FBXO21: variants seen among roughly 807,000 people sequenced by gnomAD.
FBXO21 encodes the protein F-box protein 21.
A neutral mutation model predicts 76.6 loss-of-function variants in FBXO21; 32 were observed. The observed-to-expected ratio is 0.42, with a 90% CI of 0.32 to 0.56. FBXO21 has a LOEUF of 0.56. FBXO21 is among the 20% of genes least tolerant of loss of function. The probability of loss-of-function intolerance (pLI) is 0.16; values close to 1 mark genes in which losing one functional copy is unlikely to be tolerated. For missense variants in FBXO21, 586 were observed against 797.3 expected, an observed-to-expected ratio of 0.73 and a Z score of 3.19; for synonymous variants, 328 against 311.5, an observed-to-expected ratio of 1.05 and a Z score of -0.56.
At chr12:117,171,486 A>C (rs1956118485) in intron 7 of FBXO21, among the ~76,000 whole-genome samples, 1 of 152,110 alleles carries the variant, frequency 6.6e-6, no homozygotes, top group African/African-American at 2.4e-5. Context: ...TTTATTTCTT[A>C]AACTAAGAGG....
At chr12:117,178,913 T>C (rs971278801) in intron 3 of FBXO21, among the ~76,000 whole-genome samples, 3 of 152,200 alleles carry the variant, frequency 2.0e-5, no homozygotes, top group African/African-American at 7.2e-5. Context: ...GGGATTTTTT[T>C]TGTGTTGTTC....
intron 7 of FBXO21, among the ~76,000 whole-genome samples, chr12:117,169,813 T>C (rs1293211795): frequency 6.6e-6 from 1 of 152,150 alleles, no homozygotes; most frequent in African/African-American, 2.4e-5. Context: ...GGCTTTGAAA[T>C]TGTAAAAGCA....
intron 3 of FBXO21, among the ~76,000 whole-genome samples, chr12:117,179,368 G>A (rs1956206545): frequency 6.6e-6 from 1 of 152,094 alleles, no homozygotes; most frequent in African/African-American, 2.4e-5. Context: ...TTTCTCTTTA[G>A]TATTACCATG....
intron 11 of FBXO21, among the ~76,000 whole-genome samples, chr12:117,154,584 G>T (rs902877204): frequency 6.6e-6 from 1 of 152,104 alleles, no homozygotes; most frequent in African/African-American, 2.4e-5. Context: ...ATGGGGTCTT[G>T]CTGTGTTGTA....
chr12:117,155,770 C>T (rs1456696927), intron 11 of FBXO21, 21 bp downstream of exon 11: 25 of 1,604,474 alleles, frequency 1.6e-5, no homozygotes, highest in Non-Finnish European at 2.1e-5. Flanking sequence ...GCCACTGGCA[C>T]AAGCGGAACC....
chr12:117,190,133 C>G (rs1262383808), intron 1 of FBXO21, 85 bp downstream of exon 1: 1 of 699,054 alleles, frequency 1.4e-6, no homozygotes, highest in African/African-American at 2.0e-5. Flanking sequence ...GCGGGGCGGC[C>G]GCGGGGAGCT....
rs12309102 is a variant in FBXO21, at chr12:117,186,429, C to T, written c.470+48G>A. Reference sequence around the variant, plus strand: ...GCCACACAGAAATTACAGCAATTTACTCTGGACTTATTAAAGCAAACAAAT... The same window carrying T: ...GCCACACAGAAATTACAGCAATTTATTCTGGACTTATTAAAGCAAACAAAT... On this transcript the variant is annotated intron_variant, in intron 3 of 11. Coordinates refer to ENST00000622495, the MANE Select transcript of FBXO21 (RefSeq NM_015002.3). The T allele has an allele frequency of 2.9e-3, 3,581 of 1,244,300 alleles. 74 individuals are homozygous for T. In the African/African-American group the frequency reaches 0.047, roughly 16 times the overall value. The allele number at this position is 1,244,300 out of a possible 1,614,324, so 77.1% of individuals were successfully genotyped here.
At chr12:117,181,643 A>G (rs1956234999) in intron 3 of FBXO21, among the ~76,000 whole-genome samples, 2 of 150,534 alleles carry the variant, frequency 1.3e-5, no homozygotes, top group African/African-American at 4.9e-5. Context: ...CTATCTATCT[A>G]TCTAATCTAG....
At chr12:117,157,184 GAA>G (rs890181914) in intron 10 of FBXO21, among the ~76,000 whole-genome samples, 1 of 112,862 alleles carries the variant, frequency 8.9e-6, no homozygotes. Context: ...TGTCTCCAAA[GAA>G]AAAAAAAAAA....
At chr12:117,163,934 A>G (rs1296343125) in intron 9 of FBXO21, among the ~76,000 whole-genome samples, 1 of 151,552 alleles carries the variant, frequency 6.6e-6, no homozygotes, top group Non-Finnish European at 1.5e-5. Context: ...ACAGAGCAAG[A>G]CTCCATTTCA....
intron 10 of FBXO21, among the ~76,000 whole-genome samples, chr12:117,156,950 G>A (rs1247353538): frequency 2.0e-5 from 3 of 152,136 alleles, no homozygotes; most frequent in African/African-American, 4.8e-5. Context: ...TTGGGAGCCT[G>A]AGACGGCAGA....
Position 117,146,230 on chromosome 12 carries a change from C to T in FBXO21, c.1723G>A (p.Val575Met), listed in dbSNP as rs758989840. 2.3e-5 allele frequency: 37 copies of T among 1,612,936 alleles called. No individual in the cohort carries two copies. Among genetic ancestry groups the T allele is most frequent in the Admixed American group, 3.4e-5 (2 of 59,684 alleles). ...VEPQEISHPD[V>M]GRYFSEFTGT... ...GTAAACTCTGAGAAATAGCGTCCCA[C>T]GTCAGGGTGTGAGATTTCTTGAGGC... is the stretch of plus-strand genomic sequence containing the variant. Residue 575 changes from valine (V) to methionine (M), a missense_variant, in exon 12 of 12, where the codon GTG becomes ATG. Physicochemically the swap from Val to Met is conservative, Grantham distance 21. This residue lies in a region of FBXO21 where 164 missense variants were observed against 236.7 expected (regional missense o/e 0.69). Transcript: ENST00000622495.
At chr12:117,149,806 T>C (rs774201235) in intron 11 of FBXO21, among the ~76,000 whole-genome samples, 10 of 151,986 alleles carry the variant, frequency 6.6e-5, no homozygotes, top group East Asian at 1.9e-4. Context: ...TCGGCTTCTG[T>C]TGGGAGGAGG....
rs899753456 is a variant in FBXO21, at chr12:117,174,949, C to A, written c.593-152G>T. ...GGCCATGGACCTTGCTGCTAACACA[C>A]TGAGAAGGAGCAACAAACATTTTCA... On this transcript the variant is annotated intron_variant, in intron 4 of 11. Transcript: ENST00000622495. 7 of 576,728 alleles carry A rather than the reference C, an allele frequency of 1.2e-5. No individual in the cohort carries two copies. In the Admixed American group the frequency reaches 1.3e-4, roughly 11 times the overall value. 35.7% of individuals were successfully genotyped at this position (576,728 alleles called of 1,614,324 possible).
intron 11 of FBXO21, among the ~76,000 whole-genome samples, chr12:117,149,654 G>A (rs1026307713): frequency 9.2e-5 from 14 of 152,334 alleles, no homozygotes; most frequent in African/African-American, 3.1e-4. Flanking sequence ...CCCCACAAAC[G>A]GTTATCTTGA....
chr12:117,173,065 C>T (rs1052997594), intron 6 of FBXO21, among the ~76,000 whole-genome samples: 11 of 151,576 alleles, frequency 7.3e-5, no homozygotes, highest in African/African-American at 1.2e-4. Flanking sequence ...GATGGAGTCC[C>T]GCTCTGTTGC....
intron 11 of FBXO21, among the ~76,000 whole-genome samples, chr12:117,151,201 G>C (rs1242774551): frequency 6.6e-6 from 1 of 152,040 alleles, no homozygotes; most frequent in East Asian, 1.9e-4. Context: ...GGCTGACCTA[G>C]ACTCGGAGCT....
intron 7 of FBXO21, among the ~76,000 whole-genome samples, chr12:117,168,446 C>T (rs564955014): frequency 6.6e-6 from 1 of 152,188 alleles, no homozygotes; most frequent in Non-Finnish European, 1.5e-5. Flanking sequence ...ATCACTTGAA[C>T]CCAGGAAGCG....
At chr12:117,150,434 T>C (rs1308091727) in intron 11 of FBXO21, among the ~76,000 whole-genome samples, 3 of 152,230 alleles carry the variant, frequency 2.0e-5, no homozygotes, top group Non-Finnish European at 2.9e-5. Flanking sequence ...TCGGTGCCAG[T>C]GTGTCGCTGC....
Sources: gnomAD v4.1 joint callset for allele counts (sites outside exome capture counted in the v4.1 genomes callset) on GRCh38, gnomAD v4.1.1 for gene constraint, gnomAD v4.1.1 regional missense constraint, MANE v1.5 for transcripts, NCBI Gene and HGNC (gene_info 2026-07-23, HGNC 2026-07-21) for gene names.